CDRT4: variants seen among roughly 807,000 people sequenced by gnomAD.
CDRT4 encodes the protein CMT1A duplicated region transcript 4.
For missense variants in CDRT4, 167 were observed against 193.1 expected (o/e 0.87, Z 0.80); for synonymous variants, 64 against 69.6 (o/e 0.92, Z 0.40).
intron 2 of CDRT4, chr17:15,452,627 T>A (rs1979313215): frequency 6.6e-6 from 1 of 152,182 alleles, no homozygotes; most frequent in African/African-American, 2.4e-5. Context: ...ATGCATGGAG[T>A]TGCCTCCCTC....
intron 2 of CDRT4, among the ~76,000 whole-genome samples, chr17:15,447,140 G>A (rs758084568): frequency 3.2e-4 from 48 of 152,244 alleles, no homozygotes; most frequent in African/African-American, 1.0e-3. Flanking sequence ...TCTGTGTTAC[G>A]AGAAACAAAA....
intron 2 of CDRT4, chr17:15,444,223 A>T: frequency 1.3e-6 from 1 of 770,152 alleles, no homozygotes; most frequent in Non-Finnish European, 2.2e-6. Flanking sequence ...CAGAAACAAG[A>T]TGCCGGATGA....
chr17:15,437,753 T>C lies in CDRT4; in HGVS notation c.*20A>G, dbSNP rs1056517136. 6.2e-7 allele frequency: 1 copy of C among 1,606,600 alleles called. No individual in the cohort carries two copies. The highest frequency in any genetic ancestry group is 1.3e-5 in the African/African-American group (1 of 74,698). On this transcript the variant is annotated 3_prime_UTR_variant, in exon 4 of 4. Transcript: ENST00000619038. ...TGCAGGGACCCCTGGCTAAAACATT[T>C]GCATGTTTCTCCTTGTTGGTCAGTA...
intron 1 of CDRT4, among the ~76,000 whole-genome samples, chr17:15,466,051 G>A (rs546261596): frequency 6.6e-6 from 1 of 151,200 alleles, no homozygotes; most frequent in African/African-American, 2.4e-5. Context: ...GAGGGAGAGG[G>A]AGGGAAAGGG....
rs949803307 is a variant in CDRT4 at position 15,452,987 on chromosome 17, G to C, written c.-48+17C>G. 2 of 152,272 alleles carry C rather than the reference G, an allele frequency of 1.3e-5. No individual in the cohort carries two copies. Among genetic ancestry groups the C allele is most frequent in the Middle Eastern group, 3.4e-3 (1 of 294 alleles). 9.4% of individuals were successfully genotyped at this position (152,272 alleles called of 1,614,324 possible). ...AGGATAGACTGTGGTCAAAACCCAAGGCCAGATTTGCTTAACTTGTTCTGA... is the reference window on the plus strand; with the variant it reads ...AGGATAGACTGTGGTCAAAACCCAACGCCAGATTTGCTTAACTTGTTCTGA... On this transcript the variant is annotated intron_variant, in intron 2 of 3. Transcript: ENST00000619038.
chr17:15,438,589 G>A (rs1026785569), intron 3 of CDRT4, among the ~76,000 whole-genome samples: 7 of 152,172 alleles, frequency 4.6e-5, no homozygotes, highest in African/African-American at 1.7e-4. Flanking sequence ...GAAAGCATGG[G>A]TTCTGTACTT....
chr17:15,466,459 C>T (rs1479588610), intron 1 of CDRT4, among the ~76,000 whole-genome samples: 8 of 152,314 alleles, frequency 5.3e-5, no homozygotes, highest in Middle Eastern at 3.4e-3. Flanking sequence ...ATTCATGGAT[C>T]GCAAGGTTTC....
At position 15,464,753 on chromosome 17, in the gene CDRT4, C is replaced by T. The variant is rs570509435; in HGVS notation, c.-130+2707G>A. Among the ~76,000 whole-genome samples the T allele has an allele frequency of 2.0e-4, 31 of 152,276 alleles. No individual in the cohort carries two copies. The highest frequency in any genetic ancestry group is 4.1e-4 in the Non-Finnish European group (28 of 68,014). On this transcript the variant is annotated intron_variant, in intron 1 of 3. Coordinates refer to ENST00000619038, the MANE Select transcript of CDRT4 (RefSeq NM_001204477.2). This position sits in a 1 kb window ranked among gnomAD's most constrained non-coding sequence, Gnocchi z 4.5. ...AAGCTTCCGTTACTTGTATTTTGCT[C>T]CTTTTCTCTGCCAAAATCCCCCAGC...
At chr17:15,444,146 T>C in intron 2 of CDRT4, 1 of 1,268,862 alleles carries the variant, frequency 7.9e-7, no homozygotes, top group Non-Finnish European at 1.1e-6. Context: ...TTTTGGATGG[T>C]ATATATGTCT....
intron 1 of CDRT4, among the ~76,000 whole-genome samples, chr17:15,461,481 A>G (rs1038013518): frequency 1.1e-4 from 16 of 152,334 alleles, no homozygotes; most frequent in Admixed American, 9.8e-4. Context: ...TGCCAGTTAC[A>G]GTGACGGATG....
intron 3 of CDRT4, 28 bp downstream of exon 3, chr17:15,440,180 C>T (rs1397919838): frequency 1.2e-6 from 2 of 1,613,380 alleles, no homozygotes; most frequent in Admixed American, 1.7e-5. Flanking sequence ...AGTGCAGGAG[C>T]TTCCACTGGT....
chr17:15,448,740 G>T (rs923055410), intron 2 of CDRT4, among the ~76,000 whole-genome samples: 1 of 151,962 alleles, frequency 6.6e-6, no homozygotes, highest in Non-Finnish European at 1.5e-5. Context: ...TGAAGCTTGT[G>T]CCCCCAGGCT....
intron 2 of CDRT4, chr17:15,443,732 G>A (rs540865058): frequency 1.7e-5 from 8 of 475,178 alleles, no homozygotes; most frequent in African/African-American, 4.0e-5. Context: ...GGGCCCCAGA[G>A]GGACTTCAAT....
At chr17:15,445,574 T>C (rs1314223819) in intron 2 of CDRT4, among the ~76,000 whole-genome samples, 2 of 152,222 alleles carry the variant, frequency 1.3e-5, no homozygotes, top group Non-Finnish European at 2.9e-5. Context: ...AAAAATGTTC[T>C]TCTCCTGCCC....
intron 1 of CDRT4, among the ~76,000 whole-genome samples, chr17:15,453,508 C>T (rs992396634): frequency 1.1e-4 from 16 of 152,178 alleles, no homozygotes; most frequent in African/African-American, 2.9e-4. Flanking sequence ...AATCCGGGAA[C>T]GGGCCCTTCA....
intron 1 of CDRT4, 71 bp from the exon 2 acceptor site, chr17:15,453,156 G>T (rs1450634179): frequency 6.6e-6 from 1 of 152,150 alleles, no homozygotes; most frequent in Non-Finnish European, 1.5e-5. Flanking sequence ...GAATGATTTG[G>T]GAGTGGAGGG....
chr17:15,467,067 TG>T (rs1051716823), intron 1 of CDRT4, among the ~76,000 whole-genome samples: 3 of 151,400 alleles, frequency 2.0e-5, no homozygotes, highest in African/African-American at 4.9e-5. Flanking sequence ...CCCCAGGGGA[TG>T]GGGGGGAACG....
In CDRT4 at chr17:15,464,984, CACAG is replaced by C. The variant is rs1205544184; in HGVS notation, c.-130+2472_-130+2475del. 2.0e-5 allele frequency among the ~76,000 whole-genome samples: 3 copies of C among 150,732 alleles called. No individual in the cohort carries two copies. The highest frequency in any genetic ancestry group is 7.3e-5 in the African/African-American group (3 of 40,938). On this transcript the variant is annotated intron_variant, in intron 1 of 3. Transcript: ENST00000619038. The surrounding 1 kb of genome is among the most constrained non-coding windows in gnomAD (Gnocchi z 4.5). ...ACACACACCAACAGACACACCAACA[CACAG>C]ACACACGCAATACAGACACACACAA...
At chr17:15,453,684 T>A (rs971010922) in intron 1 of CDRT4, among the ~76,000 whole-genome samples, 2 of 152,206 alleles carry the variant, frequency 1.3e-5, no homozygotes, top group African/African-American at 4.8e-5. Flanking sequence ...GATAGGAGAA[T>A]TCACCAAAGT....
Sources: gnomAD v4.1 joint callset for allele counts (sites outside exome capture counted in the v4.1 genomes callset) on GRCh38, gnomAD v4.1.1 for gene constraint, Gnocchi (gnomAD v3.1) non-coding constraint, MANE v1.5 for transcripts, NCBI Gene and HGNC (gene_info 2026-07-23, HGNC 2026-07-21) for gene names.